SYNPO2: variants seen among roughly 807,000 people sequenced by gnomAD.
The protein encoded by SYNPO2 is synaptopodin-2.
A neutral mutation model predicts 85.0 loss-of-function variants in SYNPO2; 56 were observed. The observed-to-expected ratio is 0.66, with a 90% confidence interval of 0.53 to 0.82. SYNPO2 has a LOEUF of 0.82. Among genes scored for constraint, SYNPO2 ranks in the 40% least tolerant of loss-of-function variants. The pLI, the probability that SYNPO2 is intolerant of heterozygous loss-of-function variation, is 0.00. For synonymous variants in SYNPO2, 602 were observed against 591.1 expected (o/e 1.02, Z -0.27); for missense variants, 1,575 against 1,534.2 (o/e 1.03, Z -0.44).
intron 1 of SYNPO2, among the ~76,000 whole-genome samples, chr4:118,876,243 T>G (rs1731904589): frequency 6.6e-6 from 1 of 152,190 alleles, no homozygotes; most frequent in Non-Finnish European, 1.5e-5. Flanking sequence ...AGTCTTCATC[T>G]GTTCTTCATG....
intron 1 of SYNPO2, among the ~76,000 whole-genome samples, chr4:118,919,073 A>G (rs1231654318): frequency 6.6e-6 from 1 of 152,222 alleles, no homozygotes; most frequent in African/African-American, 2.4e-5. Context: ...CCTAATGAAT[A>G]TATGCTTTGA....
At position 119,030,737 on chromosome 4, in the gene SYNPO2, G is replaced by T; in HGVS notation, c.1962G>T (p.Pro654=). The T allele has an allele frequency of 1.2e-6, 2 of 1,614,134 alleles. No homozygotes were observed. Among genetic ancestry groups the T allele is most frequent in the Non-Finnish European group, 1.7e-6 (2 of 1,180,036 alleles). ...AQPPPWPQPA[P]WSQPAFYDSS... ...CCCCTCCATGGCCCCAGCCTGCCCCGTGGTCCCAGCCAGCCTTTTACGATT... is the reference window on the plus strand; with the variant it reads ...CCCCTCCATGGCCCCAGCCTGCCCCTTGGTCCCAGCCAGCCTTTTACGATT... The change falls in exon 4 of 5, where the codon CCG becomes CCT. Residue 654 remains proline, a synonymous_variant. Transcript: ENST00000307142.
chr4:118,978,791 TG>T (rs2149161569), intron 1 of SYNPO2, among the ~76,000 whole-genome samples: 1 of 69,792 alleles, frequency 1.4e-5, no homozygotes, highest in Non-Finnish European at 2.9e-5. Flanking sequence ...ACTCCTGCCA[TG>T]ACACACACAC....
Position 119,027,041 on chromosome 4 carries a change from TAA to T in SYNPO2, c.673_674del (p.Lys225ValfsTer3). 1 of 1,614,104 alleles carries T rather than the reference TAA, an allele frequency of 6.2e-7. No individual in the cohort carries two copies. Among genetic ancestry groups the T allele is most frequent in the Non-Finnish European group, 8.5e-7 (1 of 1,180,014 alleles). On this transcript the variant is annotated frameshift_variant, in exon 3 of 5. Transcript: ENST00000307142. LOFTEE classifies it high-confidence loss of function. ...LVALPGAEKSKSPDPDPNLSH... is the reference protein window; with the variant it reads ...LVALPGAEKSXSPDPDPNLSH... ...TGGCTCTCCCGGGAGCTGAAAAATCTAAGTCTCCTGACCCAGACCCTAACTTG... is the reference window on the plus strand; with the variant it reads ...TGGCTCTCCCGGGAGCTGAAAAATCTGTCTCCTGACCCAGACCCTAACTTG...
rs546487782 is a variant in SYNPO2 at position 118,929,078 on chromosome 4, G to GA, written c.105+39947dup. On this transcript the variant is annotated intron_variant, in intron 1 of 4. Transcript: ENST00000307142. ...AGTACCTGGTCCTTGGCCACATAAA[G>GA]AAAAAAAAAAGAAAAAGGAAGGAAG... 5.9e-3 allele frequency among the ~76,000 whole-genome samples: 716 copies of GA among 121,120 alleles called. 4 individuals are homozygous for GA. Among genetic ancestry groups the GA allele is most frequent in the Non-Finnish European group, 0.01 (570 of 55,668 alleles). The allele number at this position is 121,120 out of a possible 152,430, so 79.5% of individuals were successfully genotyped here. A position where few individuals can be genotyped will look rare whatever the true frequency, so the allele number is the denominator to read the frequency against.
chr4:119,037,314 C>T, intron 4 of SYNPO2: 2 of 1,286,718 alleles, frequency 1.6e-6, no homozygotes, highest in Non-Finnish European at 2.0e-6. Context: ...ATTTTTAAAT[C>T]AAAAGATTGT....
At chr4:119,012,488 G>A (rs922848561) in intron 1 of SYNPO2, among the ~76,000 whole-genome samples, 2 of 148,118 alleles carry the variant, frequency 1.4e-5, no homozygotes, top group African/African-American at 5.0e-5. Context: ...CTATCAACCT[G>A]TCATCTAGGC....
rs1739356130 is a variant in SYNPO2 at position 119,059,891 on chromosome 4, G to T, written c.*1957G>T. ...ATCTTAAATTATCAAGGTGTAAGAT[G>T]TAATGATCCCAAGAGTTTTTATAGA... is the stretch of plus-strand genomic sequence containing the variant. On this transcript the variant is annotated 3_prime_UTR_variant, in exon 5 of 5. Coordinates refer to ENST00000307142, the MANE Select transcript of SYNPO2 (RefSeq NM_133477.3). 1 of 152,166 alleles carries T rather than the reference G, an allele frequency of 6.6e-6. No individual in the cohort carries two copies. Among genetic ancestry groups the T allele is most frequent in the Non-Finnish European group, 1.5e-5 (1 of 68,020 alleles). The allele number at this position is 152,166 out of a possible 1,614,324, so 9.4% of individuals were successfully genotyped here.
At chr4:118,871,871 T>TG (rs1220104481) in intron 1 of SYNPO2, among the ~76,000 whole-genome samples, 1 of 152,222 alleles carries the variant, frequency 6.6e-6, no homozygotes, top group Admixed American at 6.5e-5. Context: ...ACCTGGCCTA[T>TG]AATCAATTGT....
intron 1 of SYNPO2, among the ~76,000 whole-genome samples, chr4:118,913,409 G>C (rs1367543767): frequency 6.6e-6 from 1 of 152,306 alleles, no homozygotes; most frequent in East Asian, 1.9e-4. Flanking sequence ...ATGGCAAGAA[G>C]TCTGTAGAGA....
intron 1 of SYNPO2, among the ~76,000 whole-genome samples, chr4:118,857,599 A>G (rs1025485400): frequency 6.6e-5 from 10 of 152,230 alleles, no homozygotes; most frequent in African/African-American, 2.2e-4. Context: ...TCAAACCGTA[A>G]GTAATCTGTG....
chr4:118,969,455 C>T (rs1485288316), intron 1 of SYNPO2, among the ~76,000 whole-genome samples: 3 of 152,118 alleles, frequency 2.0e-5, no homozygotes, highest in Admixed American at 6.5e-5. Context: ...TTATATTATC[C>T]ATTACCAGTG....
At chr4:118,920,849 G>T (rs1733507841) in intron 1 of SYNPO2, among the ~76,000 whole-genome samples, 1 of 151,854 alleles carries the variant, frequency 6.6e-6, no homozygotes, top group Admixed American at 6.6e-5. Flanking sequence ...ATGATGTCTG[G>T]CTGGGGAAGA....
intron 4 of SYNPO2, among the ~76,000 whole-genome samples, chr4:119,056,771 AC>A (rs2149202369): frequency 6.6e-6 from 1 of 152,308 alleles, no homozygotes; most frequent in East Asian, 1.9e-4. Context: ...TGTGATCGTC[AC>A]CATATAAATA....
chr4:118,910,975 T>G (rs1733116493), intron 1 of SYNPO2, among the ~76,000 whole-genome samples: 1 of 152,218 alleles, frequency 6.6e-6, no homozygotes, highest in Admixed American at 6.5e-5. Context: ...GATATAGTGT[T>G]AATTTATTTT....
intron 1 of SYNPO2, among the ~76,000 whole-genome samples, chr4:118,876,598 TTCCC>T (rs796416481): frequency 6.6e-6 from 1 of 152,026 alleles, no homozygotes; most frequent in Non-Finnish European, 1.5e-5. Flanking sequence ...ATACTTTTCC[TTCCC>T]TCCCTCCCTC....
chr4:119,005,978 A>C (rs1009617720), intron 1 of SYNPO2: 1 of 152,388 alleles, frequency 6.6e-6, no homozygotes, highest in Non-Finnish European at 1.5e-5. Context: ...CTGTGTGTCC[A>C]TGCAGAGAAA....
At chr4:118,887,699 T>C (rs1241553282), upstream of SYNPO2, among the ~76,000 whole-genome samples, 1 of 152,242 alleles carries the variant, frequency 6.6e-6, no homozygotes, top group Non-Finnish European at 1.5e-5. Context: ...AAATAGACTG[T>C]AGTCACTTAA....
intron 1 of SYNPO2, among the ~76,000 whole-genome samples, chr4:118,923,092 G>A (rs1028804658): frequency 6.6e-5 from 10 of 152,044 alleles, no homozygotes; most frequent in Non-Finnish European, 1.3e-4. Flanking sequence ...CACACAACAC[G>A]ATGGCAGCTT....
Sources: allele counts gnomAD v4.1 joint callset (sites outside exome capture counted in the v4.1 genomes callset), GRCh38; gene constraint gnomAD v4.1.1; transcripts MANE v1.5; gene names NCBI Gene and HGNC (gene_info 2026-07-23, HGNC 2026-07-21).